ACOX3: variants seen among roughly 807,000 people sequenced by gnomAD.
The protein encoded by ACOX3 is acyl-CoA oxidase 3, pristanoyl.
Under a neutral mutation model 81.5 loss-of-function variants are expected in ACOX3, and 73 were observed. The ratio of observed to expected loss-of-function variants is 0.90; its 90% CI spans 0.74 to 1.09. The LOEUF (loss-of-function observed/expected upper bound fraction) is 1.09. Among genes scored for constraint, ACOX3 ranks in the 50% least tolerant of loss-of-function variants. The pLI is 0.00. For missense variants in ACOX3, 947 were observed against 928.0 expected, an observed-to-expected ratio of 1.02 and a Z score of -0.27; for synonymous variants, 387 against 375.1, an observed-to-expected ratio of 1.03 and a Z score of -0.37.
Position 8,405,811 on chromosome 4 carries a change from G to A in ACOX3, c.776+144C>T. Reference sequence around the variant, plus strand: ...GCAGGACGTGGCCAGTGCATGCACGGGGGCTAGGCGTAGGTCCCCACCGCA... The same window carrying A: ...GCAGGACGTGGCCAGTGCATGCACGAGGGCTAGGCGTAGGTCCCCACCGCA... On this transcript the variant is annotated intron_variant, in intron 7 of 17. Coordinates refer to ENST00000356406, the MANE Select transcript of ACOX3 (RefSeq NM_003501.3). The surrounding 1 kb of genome is among the most constrained non-coding windows in gnomAD (Gnocchi z 7.1). 2 of 828,544 alleles carry A rather than the reference G, an allele frequency of 2.4e-6. No individual in the cohort carries two copies. 51.3% of individuals were successfully genotyped at this position (828,544 alleles called of 1,614,324 possible). A position where few individuals can be genotyped will look rare whatever the true frequency, so the allele number is the denominator to read the frequency against.
chr4:8,392,494 CT>C, intron 10 of ACOX3, 41 bp from the exon 11 acceptor site: 1 of 1,483,866 alleles, frequency 6.7e-7, no homozygotes, highest in South Asian at 1.4e-5. Flanking sequence ...TGAAAAGAGA[CT>C]TTAGACACCA....
In ACOX3 at chr4:8,397,154, G is replaced by T. The variant is rs77286986; in HGVS notation, c.874-35C>A. ...GGACACAGATGATAAGCTCAAGCCC[G>T]GCTGCGCGGCCACCTTGGGCAGAGT... On this transcript the variant is annotated intron_variant, in intron 8 of 17. Coordinates refer to ENST00000356406, the MANE Select transcript of ACOX3 (RefSeq NM_003501.3). 33 of 1,503,414 alleles carry T rather than the reference G, an allele frequency of 2.2e-5. No homozygotes were observed. In the East Asian group the frequency reaches 7.3e-4, roughly 33 times the overall value. 93.1% of individuals were successfully genotyped at this position (1,503,414 alleles called of 1,614,324 possible).
chr4:8,357,374 T>C, the ACOX3 span: 8 of 379,754 alleles, frequency 2.1e-5, no homozygotes, highest in African/African-American at 1.3e-4. Context: ...AACCAAGGAG[T>C]ACAATGAATC....
rs934454979 is a variant in ACOX3 at position 8,437,979 on chromosome 4, C to T, written c.-15+2669G>A. Among the ~76,000 whole-genome samples the T allele has an allele frequency of 2.0e-5, 3 of 152,122 alleles. No individual in the cohort carries two copies. Among genetic ancestry groups the T allele is most frequent in the African/African-American group, 7.2e-5 (3 of 41,424 alleles). Reference sequence around the variant, plus strand: ...TTCCAATTTCTCACTGATGGCTAAGCCACTAGATAGAGTTACAAAGGGGGG... The same window carrying T: ...TTCCAATTTCTCACTGATGGCTAAGTCACTAGATAGAGTTACAAAGGGGGG... On this transcript the variant is annotated intron_variant, in intron 1 of 17. Coordinates refer to ENST00000356406, the MANE Select transcript of ACOX3 (RefSeq NM_003501.3). The surrounding 1 kb of genome is among the most constrained non-coding windows in gnomAD (Gnocchi z 5.2).
chr4:8,393,615 GCACA>G (rs61109010), intron 10 of ACOX3, among the ~76,000 whole-genome samples: 239 of 140,530 alleles, frequency 1.7e-3, no homozygotes, highest in South Asian at 6.0e-3. Flanking sequence ...ACACACACAC[GCACA>G]CACACACACA....
At position 8,406,675 on chromosome 4, in the gene ACOX3, C is replaced by T. The variant is rs1408762920; in HGVS notation, c.688-632G>A. Among the ~76,000 whole-genome samples the T allele has an allele frequency of 6.6e-6, 1 of 152,206 alleles. No homozygotes were observed. The highest frequency in any genetic ancestry group is 1.9e-4 in the East Asian group (1 of 5,196). On this transcript the variant is annotated intron_variant, in intron 6 of 17. Coordinates refer to ENST00000356406, the MANE Select transcript of ACOX3 (RefSeq NM_003501.3). The surrounding 1 kb of genome is among the most constrained non-coding windows in gnomAD (Gnocchi z 5.6). Reference sequence around the variant, plus strand: ...CATGTCCACTGGACAGGGGGCCCTTCCCTGCCTGGCAGCTGAGGCAGAGAG... The same window carrying T: ...CATGTCCACTGGACAGGGGGCCCTTTCCTGCCTGGCAGCTGAGGCAGAGAG...
chr4:8,394,902 C>T lies in ACOX3; in HGVS notation c.1057-160G>A, dbSNP rs909310203. ...TCTTCCCGGCACATCAGAAAGCCTTCACCCTGACACGCTCTCAACTCAGCC... is the reference window on the plus strand; with the variant it reads ...TCTTCCCGGCACATCAGAAAGCCTTTACCCTGACACGCTCTCAACTCAGCC... On this transcript the variant is annotated intron_variant, in intron 9 of 17. Transcript: ENST00000356406. The surrounding 1 kb of genome is among the most constrained non-coding windows in gnomAD (Gnocchi z 5.9). 2 of 957,672 alleles carry T rather than the reference C, an allele frequency of 2.1e-6. No individual in the cohort carries two copies. The highest frequency in any genetic ancestry group is 6.0e-5 in the Admixed American group (2 of 33,186). The allele number at this position is 957,672 out of a possible 1,614,324, so 59.3% of individuals were successfully genotyped here.
At chr4:8,417,453 T>G (rs578164974) in intron 1 of ACOX3, among the ~76,000 whole-genome samples, 1 of 152,240 alleles carries the variant, frequency 6.6e-6, no homozygotes, top group South Asian at 2.1e-4. Context: ...TCTTATCTTA[T>G]TTCACCCTCC....
intron 1 of ACOX3, among the ~76,000 whole-genome samples, chr4:8,436,958 C>T (rs1724277402): frequency 7.1e-6 from 1 of 141,266 alleles, no homozygotes; most frequent in Non-Finnish European, 1.5e-5. Flanking sequence ...CACCACTGCA[C>T]TCCAGCCTTG....
chr4:8,379,044 C>A (rs1156465403), intron 14 of ACOX3, among the ~76,000 whole-genome samples: 1 of 152,176 alleles, frequency 6.6e-6, no homozygotes, highest in Non-Finnish European at 1.5e-5. Flanking sequence ...TGAAGGAATT[C>A]CTTCCTTCCT....
chr4:8,356,321 C>T, the ACOX3 span: 4 of 358,740 alleles, frequency 1.1e-5, no homozygotes, highest in African/African-American at 8.5e-5. Context: ...GCCTCCCACA[C>T]TGCTGGTATA....
intron 7 of ACOX3, among the ~76,000 whole-genome samples, chr4:8,403,964 C>T (rs1249613294): frequency 1.3e-5 from 2 of 152,208 alleles, no homozygotes; most frequent in Admixed American, 6.5e-5. Flanking sequence ...TAGGACACTT[C>T]AGTAGATGGG....
chr4:8,410,303 T>G lies in ACOX3; in HGVS notation c.596A>C (p.Asn199Thr), dbSNP rs762962285. ...DFEAAKFWVGNMGKTATHAVV... is the reference protein window; with the variant it reads ...DFEAAKFWVGTMGKTATHAVV... ...CGCGTGAGTGGCTGTCTTGCCCATG[T>G]TGCCAACCCAAAACTTGGCAGCTTC... Residue 199 changes from asparagine (N) to threonine (T), a missense_variant, in exon 6 of 18, where the codon AAC becomes ACC. Physicochemically the swap from Asn to Thr is moderately conservative, Grantham distance 65. Coordinates refer to ENST00000356406, the MANE Select transcript of ACOX3 (RefSeq NM_003501.3). 13 of 1,614,160 alleles carry G rather than the reference T, an allele frequency of 8.1e-6. No individual in the cohort carries two copies. The East Asian group carries it at 2.9e-4, about 36-fold the overall frequency.
chr4:8,397,294 A>G (rs1719827178), intron 8 of ACOX3, among the ~76,000 whole-genome samples, 175 bp from the exon 9 acceptor site: 1 of 152,148 alleles, frequency 6.6e-6, no homozygotes, highest in Non-Finnish European at 1.5e-5. Flanking sequence ...GCGGGTAGAG[A>G]TGTCACTGAT....
At chr4:8,365,721 C>A (rs1370106330), downstream of ACOX3, among the ~76,000 whole-genome samples, 1 of 151,420 alleles carries the variant, frequency 6.6e-6, no homozygotes, top group Middle Eastern at 3.4e-3. Context: ...CCCTCAGATG[C>A]CCCTGGAGCC....
intron 1 of ACOX3, among the ~76,000 whole-genome samples, chr4:8,433,453 C>G (rs974050435): frequency 6.6e-6 from 1 of 152,248 alleles, no homozygotes; most frequent in African/African-American, 2.4e-5. Flanking sequence ...TGAATGGATT[C>G]TCAGAGCCTT....
Position 8,389,256 on chromosome 4 carries a change from G to A in ACOX3, c.1454C>T (p.Ser485Leu). The stretch of plus-strand genomic sequence containing the variant: ...GGGATAGGCGTCCAGAAAGTCCACT[G>A]ACTTCAGCGGACTGCGGAAGCAAGC... ...DGACFRSPLK[S>L]VDFLDAYPGI... Residue 485 changes from serine (S) to leucine (L), a missense_variant, in exon 13 of 18, where the codon TCA becomes TTA. Physicochemically the swap from Ser to Leu is moderately radical, Grantham distance 145. Coordinates refer to ENST00000356406, the MANE Select transcript of ACOX3 (RefSeq NM_003501.3). The surrounding 1 kb of genome is among the most constrained non-coding windows in gnomAD (Gnocchi z 5.3). The A allele has an allele frequency of 6.2e-7, 1 of 1,613,492 alleles. No homozygotes were observed. The highest frequency in any genetic ancestry group is 1.3e-5 in the African/African-American group (1 of 75,040).
chr4:8,356,996 G>A, the ACOX3 span: 2 of 456,378 alleles, frequency 4.4e-6, no homozygotes, highest in East Asian at 7.0e-5. Flanking sequence ...CAGATGAGGG[G>A]AAGGAAGTGT....
At position 8,389,227 on chromosome 4, in the gene ACOX3, T is replaced by C. The variant is rs773885685; in HGVS notation, c.1483A>G (p.Ile495Val). Residue 495 changes from isoleucine to valine, a missense_variant, in exon 13 of 18, where the codon ATC becomes GTC. By Grantham distance (29) the Ile-to-Val change is conservative. Coordinates refer to ENST00000356406, the MANE Select transcript of ACOX3 (RefSeq NM_003501.3). The surrounding 1 kb of genome is among the most constrained non-coding windows in gnomAD (Gnocchi z 5.3). Reference sequence around the variant, plus strand: ...GAGACCTCAAACTTCTGGTCAAGGATGCCGGGATAGGCGTCCAGAAAGTCC... The same window carrying C: ...GAGACCTCAAACTTCTGGTCAAGGACGCCGGGATAGGCGTCCAGAAAGTCC... ...SVDFLDAYPG[I>V]LDQKFEVSSV... is the part of the protein sequence containing the mutation. The C allele has an allele frequency of 1.2e-6, 2 of 1,613,902 alleles. 1 individual carries two copies. The highest frequency in any genetic ancestry group is 2.2e-5 in the South Asian group (2 of 91,030).
Sources: allele counts gnomAD v4.1 joint callset (sites outside exome capture counted in the v4.1 genomes callset), GRCh38; gene constraint gnomAD v4.1.1; non-coding constraint Gnocchi (gnomAD v3.1); transcripts MANE v1.5; gene names NCBI Gene and HGNC (gene_info 2026-07-23, HGNC 2026-07-21).